EPM2A: variants seen among roughly 807,000 people sequenced by gnomAD.
EPM2A encodes the protein EPM2A glucan phosphatase, laforin.
In EPM2A, 21 loss-of-function variants were observed where a neutral mutation model predicts 26.5. That is an observed-to-expected ratio of 0.79 (90% CI 0.56 to 1.14). EPM2A has a LOEUF of 1.14. Ranked by LOEUF, EPM2A falls within the 50% of genes most tolerant of loss-of-function variation. The pLI is 0.00. For synonymous variants in EPM2A, 217 were observed against 177.6 expected, an observed-to-expected ratio of 1.22 and a Z score of -1.76; for missense variants, 458 against 440.8, an observed-to-expected ratio of 1.04 and a Z score of -0.35.
intron 1 of EPM2A, among the ~76,000 whole-genome samples, chr6:145,734,311 AG>A (rs1776686067): frequency 6.6e-6 from 1 of 152,354 alleles, no homozygotes; most frequent in East Asian, 1.9e-4. Flanking sequence ...ACATATTGTT[AG>A]GCAAGAAAAG....
At chr6:145,619,147 T>C (rs1323755974) in intron 2 of EPM2A, among the ~76,000 whole-genome samples, 1 of 150,158 alleles carries the variant, frequency 6.7e-6, no homozygotes, top group African/African-American at 2.5e-5. Flanking sequence ...AGAGAAAGTA[T>C]GGGAGGTCTG....
chr6:145,458,795 T>C (rs1321038687), intron 4 of EPM2A, among the ~76,000 whole-genome samples: 1 of 135,650 alleles, frequency 7.4e-6, no homozygotes, highest in East Asian at 2.3e-4. Context: ...AGGCAATTTC[T>C]TCACTGATAG....
In EPM2A at chr6:145,734,768, C is replaced by G. The variant is rs537499867; in HGVS notation, c.301+430G>C. ...GGCTGTTGAAGCCATCAGCGGCGCG[C>G]GGCCGGGCAGCCAAGGGACCCGCGA... is the stretch of plus-strand genomic sequence containing the variant. On this transcript the variant is annotated intron_variant, in intron 1 of 3. Transcript: ENST00000367519. 168 of 152,912 alleles carry G rather than the reference C, an allele frequency of 1.1e-3. 1 individual carries two copies. Among genetic ancestry groups the G allele is most frequent in the Non-Finnish European group, 1.7e-3 (119 of 68,670 alleles). The allele number at this position is 152,912 out of a possible 1,614,324, so 9.5% of individuals were successfully genotyped here. A position where few individuals can be genotyped will look rare whatever the true frequency, so the allele number is the denominator to read the frequency against.
intron 4 of EPM2A, chr6:145,490,443 T>A: frequency 1.4e-6 from 1 of 740,102 alleles, no homozygotes; most frequent in Admixed American, 2.0e-5. Context: ...AATTTGGACA[T>A]TCAAAAGGTT....
chr6:145,579,611 T>C (rs1781085001), intron 2 of EPM2A, among the ~76,000 whole-genome samples: 1 of 152,204 alleles, frequency 6.6e-6, no homozygotes, highest in Admixed American at 6.5e-5. Flanking sequence ...AAGTGCCTTT[T>C]TTATAGGCAA....
At chr6:145,606,388 T>C (rs560011256) in intron 2 of EPM2A, among the ~76,000 whole-genome samples, 48 of 152,098 alleles carry the variant, frequency 3.2e-4, no homozygotes, top group African/African-American at 1.1e-3. Flanking sequence ...TTTAAAAGCA[T>C]GTATTTACAT....
chr6:145,648,651 T>G (rs1045180208), intron 2 of EPM2A, among the ~76,000 whole-genome samples: 1 of 152,168 alleles, frequency 6.6e-6, no homozygotes, highest in Non-Finnish European at 1.5e-5. Context: ...AATCCTCAAT[T>G]AAGTTCAGAA....
chr6:145,631,454 G>A (rs1314456010), intron 3 of EPM2A: 4 of 152,102 alleles, frequency 2.6e-5, no homozygotes, highest in Non-Finnish European at 5.9e-5. Context: ...GGTCAAACAA[G>A]ACATTCTACC....
At chr6:145,598,262 C>T (rs369659732) in intron 2 of EPM2A, among the ~76,000 whole-genome samples, 14 of 151,874 alleles carry the variant, frequency 9.2e-5, no homozygotes, top group African/African-American at 3.4e-4. Flanking sequence ...TTTTAATAGC[C>T]ATTCTGACTG....
At chr6:145,665,684 T>C (rs1225909796) in intron 2 of EPM2A, among the ~76,000 whole-genome samples, 1 of 143,956 alleles carries the variant, frequency 6.9e-6, no homozygotes, top group East Asian at 2.2e-4. Context: ...ATCATTCTGA[T>C]ACCAAAGCCA....
intron 2 of EPM2A, among the ~76,000 whole-genome samples, chr6:145,679,725 G>A (rs898484247): frequency 3.9e-5 from 6 of 152,026 alleles, no homozygotes; most frequent in African/African-American, 1.2e-4. Context: ...AGGCTTCTTC[G>A]TTTACGGAAG....
At chr6:145,538,995 T>A (rs1780471456) in intron 2 of EPM2A, among the ~76,000 whole-genome samples, 1 of 152,164 alleles carries the variant, frequency 6.6e-6, no homozygotes, top group African/African-American at 2.4e-5. Context: ...AGCTCAACCC[T>A]CAGAGGCCAG....
intron 4 of EPM2A, among the ~76,000 whole-genome samples, chr6:145,396,821 T>C (rs149922788): frequency 6.6e-6 from 1 of 152,186 alleles, no homozygotes; most frequent in South Asian, 2.1e-4. Flanking sequence ...TACAAACAAG[T>C]CACAGCTATG....
At chr6:145,454,356 C>A (rs1779233956) in intron 4 of EPM2A, among the ~76,000 whole-genome samples, 1 of 152,096 alleles carries the variant, frequency 6.6e-6, no homozygotes, top group Non-Finnish European at 1.5e-5. Context: ...ACCAGGAAAC[C>A]AGATCAGCAA....
chr6:145,492,599 C>A (rs372819887), intron 4 of EPM2A, among the ~76,000 whole-genome samples: 2 of 151,744 alleles, frequency 1.3e-5, no homozygotes, highest in Non-Finnish European at 2.9e-5. Context: ...TGAAGGAAGG[C>A]GAATGCAGAG....
At chr6:145,513,804 A>G (rs1374950649) in intron 2 of EPM2A, among the ~76,000 whole-genome samples, 1 of 152,240 alleles carries the variant, frequency 6.6e-6, no homozygotes, top group Non-Finnish European at 1.5e-5. Flanking sequence ...CTCTTATCTA[A>G]TTAAGCCACC....
intron 2 of EPM2A, among the ~76,000 whole-genome samples, chr6:145,616,170 C>A (rs1403119271): frequency 6.6e-6 from 1 of 152,222 alleles, no homozygotes; most frequent in Non-Finnish European, 1.5e-5. Context: ...GGCCCAGGAT[C>A]CCCATGCTAT....
intron 1 of EPM2A, among the ~76,000 whole-genome samples, chr6:145,714,698 A>G (rs941352645): frequency 6.6e-6 from 1 of 152,218 alleles, no homozygotes; most frequent in Admixed American, 6.5e-5. Context: ...GGCAAGTCAC[A>G]TCTTACATGG....
At chr6:145,729,794 T>G (rs1437163886) in intron 1 of EPM2A, among the ~76,000 whole-genome samples, 2 of 152,060 alleles carry the variant, frequency 1.3e-5, no homozygotes, top group African/African-American at 4.8e-5. Context: ...TATTTTACAG[T>G]GTGAGAAGGA....
Sources: allele counts gnomAD v4.1 joint callset (sites outside exome capture counted in the v4.1 genomes callset), GRCh38; gene constraint gnomAD v4.1.1; transcripts MANE v1.5; gene names NCBI Gene and HGNC (gene_info 2026-07-23, HGNC 2026-07-21).